The following POU2AF1 variants were observed in gnomAD, a reference collection of about 807,000 sequenced individuals.
POU2AF1 encodes the protein POU domain class 2-associating factor 1.
A neutral mutation model predicts 26.3 loss-of-function variants in POU2AF1; 12 were observed. That is an observed-to-expected ratio of 0.46 (90% CI 0.29 to 0.74). The LOEUF is 0.74. Among genes scored for constraint, POU2AF1 ranks in the 30% least tolerant of loss-of-function variants. POU2AF1 has a pLI of 0.09. For missense variants in POU2AF1, 297 were observed against 334.5 expected (o/e 0.89, Z 0.87); for synonymous variants, 175 against 148.0 (o/e 1.18, Z -1.32).
At chr11:111,356,834 T>A (rs933091186) in intron 4 of POU2AF1, among the ~76,000 whole-genome samples, 13 of 152,226 alleles carry the variant, frequency 8.5e-5, no homozygotes, top group Admixed American at 2.0e-4. Context: ...TATTCCCATT[T>A]TACAGATGAG....
rs1000501184 is a variant in POU2AF1 at position 111,353,324 on chromosome 11, C to G, written c.*937G>C. 5.1e-5 allele frequency: 12 copies of G among 233,652 alleles called. No individual in the cohort carries two copies. The highest frequency in any genetic ancestry group is 7.6e-5 in the Non-Finnish European group (9 of 118,294). The allele number at this position is 233,652 out of a possible 1,614,324, so 14.5% of individuals were successfully genotyped here. ...CAAGTAATCTGGAGCCAAGTCATTC[C>G]TCAGCCTTCCTCCTCCCTGCATCAA... On this transcript the variant is annotated 3_prime_UTR_variant, in exon 5 of 5. Transcript: ENST00000393067.
chr11:111,376,175 CCTACATT>C (rs1861307413), intron 1 of POU2AF1, among the ~76,000 whole-genome samples: 3 of 152,174 alleles, frequency 2.0e-5, no homozygotes, highest in Admixed American at 2.0e-4. Flanking sequence ...TATCATTTTA[CCTACATT>C]CTCTACTTTA....
Position 111,353,940 on chromosome 11 carries a change from A to C in POU2AF1, c.*321T>G. The C allele has an allele frequency of 3.7e-6, 1 of 269,868 alleles. No individual in the cohort carries two copies. The highest frequency in any genetic ancestry group is 2.4e-5 in the African/African-American group (1 of 42,126). 16.7% of individuals were successfully genotyped at this position (269,868 alleles called of 1,614,324 possible). On this transcript the variant is annotated 3_prime_UTR_variant, in exon 5 of 5. Coordinates refer to ENST00000393067, the MANE Select transcript of POU2AF1 (RefSeq NM_006235.3). ...AGGAAAGGGAGAAGGGAAGGAGGGAAGGAAGGGAGGGAGGAAAAGGAAGGA... is the reference window on the plus strand; with the variant it reads ...AGGAAAGGGAGAAGGGAAGGAGGGACGGAAGGGAGGGAGGAAAAGGAAGGA...
At chr11:111,356,891 T>C (rs1163608495) in intron 4 of POU2AF1, among the ~76,000 whole-genome samples, 1 of 152,216 alleles carries the variant, frequency 6.6e-6, no homozygotes, top group African/African-American at 2.4e-5. Flanking sequence ...CAGAGTCACA[T>C]AGCTAGTAAG....
At position 111,353,876 on chromosome 11, in the gene POU2AF1, A is replaced by G. The variant is rs976839145; in HGVS notation, c.*385T>C. On this transcript the variant is annotated 3_prime_UTR_variant, in exon 5 of 5. Coordinates refer to ENST00000393067, the MANE Select transcript of POU2AF1 (RefSeq NM_006235.3). ...TGGAACAGAATTGAAAAAAGAAGTAAGAAAGAGAGAAGAAGCGAGGGAGGG... is the reference window on the plus strand; with the variant it reads ...TGGAACAGAATTGAAAAAAGAAGTAGGAAAGAGAGAAGAAGCGAGGGAGGG... 3.5e-5 allele frequency: 10 copies of G among 283,762 alleles called. No individual in the cohort carries two copies. Among genetic ancestry groups the G allele is most frequent in the Non-Finnish European group, 5.9e-5 (9 of 153,130 alleles). The allele number at this position is 283,762 out of a possible 1,614,324, so 17.6% of individuals were successfully genotyped here.
chr11:111,361,177 C>T (rs191633151), intron 1 of POU2AF1, among the ~76,000 whole-genome samples: 15 of 147,112 alleles, frequency 1.0e-4, no homozygotes, highest in Admixed American at 1.0e-3. Context: ...CATGGAGCCC[C>T]CGCCCACGTG....
chr11:111,353,807 A>G lies in POU2AF1; in HGVS notation c.*454T>C. ...TGGACCACAGACTTGGCAACATTTG[A>G]CATAAAATGTTATTGCTAAAATCCC... On this transcript the variant is annotated 3_prime_UTR_variant, in exon 5 of 5. Coordinates refer to ENST00000393067, the MANE Select transcript of POU2AF1 (RefSeq NM_006235.3). 3.8e-6 allele frequency: 1 copy of G among 265,006 alleles called. No homozygotes were observed. The highest frequency in any genetic ancestry group is 7.1e-6 in the Non-Finnish European group (1 of 140,632). The allele number at this position is 265,006 out of a possible 1,614,324, so 16.4% of individuals were successfully genotyped here.
At chr11:111,358,743 CTT>C (rs745686215) in intron 2 of POU2AF1, 43 bp downstream of exon 2, 209 of 1,522,002 alleles carry the variant, frequency 1.4e-4, no homozygotes, top group African/African-American at 3.9e-4. Flanking sequence ...CACACATTCT[CTT>C]TCACACACAC....
chr11:111,363,850 G>C (rs1267892652), intron 1 of POU2AF1: 23 of 985,264 alleles, frequency 2.3e-5, no homozygotes, highest in Non-Finnish European at 2.8e-5. Flanking sequence ...CCTGTGGTCT[G>C]AGGGCCTTTT....
chr11:111,366,559 G>A (rs771520066), intron 1 of POU2AF1, among the ~76,000 whole-genome samples: 8 of 152,202 alleles, frequency 5.3e-5, no homozygotes, highest in Non-Finnish European at 1.0e-4. Flanking sequence ...AAGGGACAGT[G>A]ACATGTGCCC....
intron 1 of POU2AF1, among the ~76,000 whole-genome samples, chr11:111,376,123 A>C (rs538252899): frequency 5.3e-5 from 8 of 152,330 alleles, no homozygotes; most frequent in African/African-American, 1.9e-4. Flanking sequence ...CCAGGACGGA[A>C]GGTACTAACT....
At chr11:111,359,849 T>C in intron 1 of POU2AF1, 1 of 474,374 alleles carries the variant, frequency 2.1e-6, no homozygotes, top group Non-Finnish European at 4.3e-6. Context: ...GATTAATCGA[T>C]TGGGTGATTC....
chr11:111,359,842 T>C, intron 1 of POU2AF1: 1 of 460,172 alleles, frequency 2.2e-6, no homozygotes, highest in Non-Finnish European at 4.4e-6. Flanking sequence ...ACTTATTGAT[T>C]AATCGATTGG....
intron 1 of POU2AF1, among the ~76,000 whole-genome samples, chr11:111,372,029 TACACACACACACACACACACAC>T (rs374971894): frequency 7.4e-5 from 9 of 121,144 alleles, no homozygotes; most frequent in African/African-American, 1.8e-4. Context: ...CACACACAAA[TACACACACACACACACACACAC>T]ACACACACAC....
At chr11:111,366,657 G>C (rs376993579) in intron 1 of POU2AF1, among the ~76,000 whole-genome samples, 1 of 152,170 alleles carries the variant, frequency 6.6e-6, no homozygotes, top group Non-Finnish European at 1.5e-5. Context: ...CCTGGGAAAG[G>C]CTGAACCAGG....
rs1464775608 is a variant in POU2AF1, at chr11:111,353,870, GAAGT to G, written c.*387_*390del. The G allele has an allele frequency of 7.3e-6, 2 of 274,332 alleles. No individual in the cohort carries two copies. The highest frequency in any genetic ancestry group is 2.2e-5 in the African/African-American group (1 of 44,826). 17.0% of individuals were successfully genotyped at this position (274,332 alleles called of 1,614,324 possible). On this transcript the variant is annotated 3_prime_UTR_variant, in exon 5 of 5. Transcript: ENST00000393067. ...CCAAAATGGAACAGAATTGAAAAAAGAAGTAAGAAAGAGAGAAGAAGCGAGGGAG... is the reference window on the plus strand; with the variant it reads ...CCAAAATGGAACAGAATTGAAAAAAGAAGAAAGAGAGAAGAAGCGAGGGAG...
At chr11:111,358,655 C>T in intron 2 of POU2AF1, 133 bp downstream of exon 2, 1 of 1,131,072 alleles carries the variant, frequency 8.8e-7, no homozygotes, top group Admixed American at 2.0e-5. Context: ...CACTCTCACA[C>T]ACTCTATCAC....
chr11:111,361,232 C>A (rs1046941032), intron 1 of POU2AF1, among the ~76,000 whole-genome samples: 65 of 152,126 alleles, frequency 4.3e-4, no homozygotes, highest in African/African-American at 1.5e-3. Context: ...AAGTTACCAG[C>A]AGATGAATGT....
intron 1 of POU2AF1, among the ~76,000 whole-genome samples, chr11:111,366,272 C>T (rs1325065205): frequency 6.6e-6 from 1 of 152,144 alleles, no homozygotes; most frequent in Non-Finnish European, 1.5e-5. Context: ...ATCCTGCAGC[C>T]AGGAATTATA....
Sources: gnomAD v4.1 joint callset for allele counts (sites outside exome capture counted in the v4.1 genomes callset) on GRCh38, gnomAD v4.1.1 for gene constraint, MANE v1.5 for transcripts, NCBI Gene and HGNC (gene_info 2026-07-23, HGNC 2026-07-21) for gene names.